CHI3L2: variants seen among roughly 807,000 people sequenced by gnomAD.
The protein encoded by CHI3L2 is chitinase-3-like protein 2.
A neutral mutation model predicts 47.3 loss-of-function variants in CHI3L2; 47 were observed. The observed-to-expected ratio is 0.99, with a 90% CI of 0.79 to 1.27. CHI3L2 has a LOEUF of 1.27. Among genes scored for constraint, CHI3L2 ranks in the 50% most tolerant of loss-of-function variants. The probability of loss-of-function intolerance (pLI) is 0.00; values close to 1 mark genes in which losing one functional copy is unlikely to be tolerated. For missense variants in CHI3L2, 497 were observed against 462.1 expected (o/e 1.08, Z -0.69); for synonymous variants, 198 against 169.9 (o/e 1.17, Z -1.28).
At chr1:111,241,651 A>T (rs916477396) in intron 9 of CHI3L2, among the ~76,000 whole-genome samples, 31 of 152,184 alleles carry the variant, frequency 2.0e-4, no homozygotes, top group Admixed American at 1.4e-3. Context: ...GAAAGGACGC[A>T]AAAAAGAATT....
Position 111,238,821 on chromosome 1 carries a change from T to G in CHI3L2, c.807T>G (p.Tyr269Ter). The G allele has an allele frequency of 6.2e-7, 1 of 1,614,080 alleles. No homozygotes were observed. The highest frequency in any genetic ancestry group is 8.5e-7 in the Non-Finnish European group (1 of 1,179,968). The change falls in exon 8 of 11, where the codon TAT becomes TAG. Residue 269 changes from tyrosine (Y) to a stop codon, truncating the protein, a stop_gained. Coordinates refer to ENST00000369748, the MANE Select transcript of CHI3L2 (RefSeq NM_004000.3). LOFTEE classifies it high-confidence loss of function. ...AGGTGGTCATGGGCATCCCCACATA[T>G]GGGCACTCCTTCACACTGGCCTCTG... The part of the protein sequence containing the change: ...SEKVVMGIPT[Y>*]GHSFTLASAE...
chr1:111,233,752 G>C (rs551457119), intron 4 of CHI3L2, among the ~76,000 whole-genome samples: 12 of 152,016 alleles, frequency 7.9e-5, no homozygotes, highest in South Asian at 6.2e-4. Context: ...AATAGAAAGG[G>C]GGGAAAGGTG....
chr1:111,239,574 G>C (rs929213403), intron 8 of CHI3L2, among the ~76,000 whole-genome samples: 7 of 152,286 alleles, frequency 4.6e-5, no homozygotes, highest in African/African-American at 1.7e-4. Context: ...AACTACAAGA[G>C]GGATAGGAGG....
chr1:111,237,862 C>T (rs1659929435), intron 7 of CHI3L2, among the ~76,000 whole-genome samples: 1 of 152,164 alleles, frequency 6.6e-6, no homozygotes, highest in African/African-American at 2.4e-5. Flanking sequence ...AACATCAATA[C>T]AGAGACCTTA....
At chr1:111,242,429 T>C in intron 10 of CHI3L2, 63 bp downstream of exon 10, 1 of 1,486,424 alleles carries the variant, frequency 6.7e-7, no homozygotes, top group Non-Finnish European at 9.0e-7. Context: ...CACAGGAGAC[T>C]GGGGGAGATC....
intron 5 of CHI3L2, 134 bp from the exon 6 acceptor site, chr1:111,235,505 A>C: frequency 9.7e-7 from 1 of 1,029,772 alleles, no homozygotes; most frequent in Admixed American, 2.4e-5. Context: ...AGGCATCCCC[A>C]TGTGGGGTGG....
chr1:111,230,845 T>C lies in CHI3L2; in HGVS notation c.174T>C (p.His58=). The C allele has an allele frequency of 6.2e-7, 1 of 1,614,008 alleles. No individual in the cohort carries two copies. Among genetic ancestry groups the C allele is most frequent in the Non-Finnish European group, 8.5e-7 (1 of 1,179,948 alleles). ...PENIDPFLCS[H]LIYSFASIEN... is the part of the protein sequence containing the mutation. The stretch of plus-strand genomic sequence containing the variant: ...ATATTGACCCCTTCCTATGCTCTCA[T>C]CTCATCTATTCATTCGCCAGCATCG... Residue 58 remains histidine (H), a synonymous_variant, in exon 3 of 11, where the codon CAT becomes CAC. Transcript: ENST00000369748.
rs1302392452 is a variant in CHI3L2 at position 111,235,782 on chromosome 1, C to A, written c.605+19C>A. ...TGGCAAAGTGAGTACATCAGAGCAACTTTCCATCCCTCTGCTTCCAATTTG... is the reference window on the plus strand; with the variant it reads ...TGGCAAAGTGAGTACATCAGAGCAAATTTCCATCCCTCTGCTTCCAATTTG... On this transcript the variant is annotated intron_variant, in intron 6 of 10. Transcript: ENST00000369748. The A allele has an allele frequency of 5.0e-6, 8 of 1,609,662 alleles. No individual in the cohort carries two copies. The highest frequency in any genetic ancestry group is 3.4e-5 in the Admixed American group (2 of 59,242).
chr1:111,230,274 G>A (rs1659677079), intron 2 of CHI3L2, among the ~76,000 whole-genome samples: 1 of 151,648 alleles, frequency 6.6e-6, no homozygotes, highest in South Asian at 2.1e-4. Context: ...ATTTTTTTGA[G>A]ACAGGGTCTC....
Position 111,229,891 on chromosome 1 carries a change from C to A in CHI3L2, c.70+10C>A. 1 of 1,613,716 alleles carries A rather than the reference C, an allele frequency of 6.2e-7. No individual in the cohort carries two copies. Among genetic ancestry groups the A allele is most frequent in the South Asian group, 1.1e-5 (1 of 91,048 alleles). On this transcript the variant is annotated intron_variant, in intron 2 of 10. Coordinates refer to ENST00000369748, the MANE Select transcript of CHI3L2 (RefSeq NM_004000.3). The stretch of plus-strand genomic sequence containing the variant: ...CTGCTTCTCCAGGGAGGTAAGTAGT[C>A]AATAAGTCACTACCGCCTGGATCTC...
intron 7 of CHI3L2, among the ~76,000 whole-genome samples, chr1:111,237,482 C>A (rs923751092): frequency 6.6e-6 from 1 of 152,128 alleles, no homozygotes; most frequent in East Asian, 1.9e-4. Flanking sequence ...TGTTTCCAGG[C>A]CTTCATATTC....
rs1363329317 is a variant in CHI3L2 at position 111,229,663 on chromosome 1, C to T, written c.41-189C>T. 57 of 608,432 alleles carry T rather than the reference C, an allele frequency of 9.4e-5. 1 individual carries two copies. In the African/African-American group the frequency reaches 1.4e-3, roughly 15 times the overall value. The allele number at this position is 608,432 out of a possible 1,614,324, so 37.7% of individuals were successfully genotyped here. ...CACCACTGCACTCCAGCCTGGGCGA[C>T]AGAGCGAGACTCCGTCTCAAAAAAA... On this transcript the variant is annotated intron_variant, in intron 1 of 10. Coordinates refer to ENST00000369748, the MANE Select transcript of CHI3L2 (RefSeq NM_004000.3).
At chr1:111,238,960 C>T in intron 8 of CHI3L2, 28 bp downstream of exon 8, 2 of 1,545,032 alleles carry the variant, frequency 1.3e-6, no homozygotes, top group Non-Finnish European at 1.7e-6. Flanking sequence ...GTACCCTCAG[C>T]TCCCTGCCAT....
intron 3 of CHI3L2, 71 bp downstream of exon 3, chr1:111,231,014 A>G (rs1659702310): frequency 1.7e-6 from 2 of 1,201,668 alleles, no homozygotes; most frequent in African/African-American, 3.0e-5. Flanking sequence ...AGCTGACACT[A>G]AGACATACTA....
At chr1:111,230,516 A>C (rs1659683862) in intron 2 of CHI3L2, among the ~76,000 whole-genome samples, 2 of 152,058 alleles carry the variant, frequency 1.3e-5, no homozygotes, top group Admixed American at 1.3e-4. Context: ...AGCCTCCCAA[A>C]GTGCTGGGAT....
intron 4 of CHI3L2, chr1:111,231,529 A>C (rs890582570): frequency 7.2e-6 from 3 of 417,658 alleles, no homozygotes; most frequent in African/African-American, 2.0e-5. Context: ...GCTTGAGAGA[A>C]AGTGGGCCAT....
intron 5 of CHI3L2, 39 bp from the exon 6 acceptor site, chr1:111,235,600 G>A: frequency 1.2e-6 from 2 of 1,601,916 alleles, no homozygotes; most frequent in South Asian, 1.1e-5. Flanking sequence ...TGTACTCTGG[G>A]AAGGGGAATA....
intron 4 of CHI3L2, 59 bp from the exon 5 acceptor site, chr1:111,234,848 G>A (rs1013005680): frequency 1.3e-6 from 2 of 1,518,244 alleles, no homozygotes; most frequent in East Asian, 4.5e-5. Flanking sequence ...TGAAAAATGT[G>A]TTACACTACA....
chr1:111,227,769 G>C lies in CHI3L2; in HGVS notation c.40G>C (p.Gly14Arg). Reference sequence around the variant, plus strand: ...CATGGACCAGAAGTCTCTCTGGGCAGGTGAGCATGGGGTTGATAATTCAGC... The same window carrying C: ...CATGGACCAGAAGTCTCTCTGGGCACGTGAGCATGGGGTTGATAATTCAGC... Reference protein sequence around the residue: ...TTMDQKSLWAGVVVLLLLQGG... With the variant: ...TTMDQKSLWARVVVLLLLQGG... The change falls in exon 1 of 11, where the codon GGT (glycine) becomes CGT (arginine). Residue 14 changes from glycine (G) to arginine (R), a missense_variant and splice_region_variant. Coordinates refer to ENST00000369748, the MANE Select transcript of CHI3L2 (RefSeq NM_004000.3). 6.2e-7 allele frequency: 1 copy of C among 1,614,130 alleles called. No individual in the cohort carries two copies.
Sources: gnomAD v4.1 joint callset for allele counts (sites outside exome capture counted in the v4.1 genomes callset) on GRCh38, gnomAD v4.1.1 for gene constraint, MANE v1.5 for transcripts, NCBI Gene and HGNC (gene_info 2026-07-23, HGNC 2026-07-21) for gene names.